The following SGCD variants were observed in gnomAD, a reference collection of about 807,000 sequenced individuals.
SGCD encodes delta-sarcoglycan.
Under a neutral mutation model 36.6 loss-of-function variants are expected in SGCD, and 18 were observed. The ratio of observed to expected loss-of-function variants is 0.49; its 90% CI spans 0.34 to 0.73. The LOEUF (loss-of-function observed/expected upper bound fraction) is 0.73, where lower values mean the gene tolerates loss of function less well. Among genes scored for constraint, SGCD ranks in the 30% least tolerant of loss-of-function variants. SGCD has a pLI of 0.01. For missense variants in SGCD, 387 were observed against 346.7 expected (o/e 1.12, Z -0.92); for synonymous variants, 133 against 130.6 (o/e 1.02, Z -0.12).
At chr5:156,323,639 T>C (rs1437023777), upstream of SGCD, among the ~76,000 whole-genome samples, 1 of 152,208 alleles carries the variant, frequency 6.6e-6, no homozygotes, top group Non-Finnish European at 1.5e-5. Flanking sequence ...CATATGATCT[T>C]CAGTATCATA....
At chr5:156,684,629 G>A (rs1753841099) in intron 7 of SGCD, among the ~76,000 whole-genome samples, 1 of 152,162 alleles carries the variant, frequency 6.6e-6, no homozygotes, top group African/African-American at 2.4e-5. Context: ...TACAATCACA[G>A]CAATTATTCA....
At chr5:156,257,222 C>A (rs1282338590) in intron 3 of SGCD, among the ~76,000 whole-genome samples, 1 of 152,118 alleles carries the variant, frequency 6.6e-6, no homozygotes, top group Admixed American at 6.5e-5. Context: ...CGCCTGTAAT[C>A]TCAACACTTT....
At chr5:155,874,702 C>T (rs1755729851) in intron 1 of SGCD, among the ~76,000 whole-genome samples, 1 of 151,932 alleles carries the variant, frequency 6.6e-6, no homozygotes, top group South Asian at 2.1e-4. Flanking sequence ...GTTTAAACCA[C>T]AAGGAGATAC....
At chr5:155,951,689 G>C (rs1284711181) in intron 1 of SGCD, among the ~76,000 whole-genome samples, 1 of 152,112 alleles carries the variant, frequency 6.6e-6, no homozygotes, top group African/African-American at 2.4e-5. Context: ...AGTGGAGATA[G>C]GCTATGTCAA....
chr5:155,759,217 A>G, the SGCD span, among the ~76,000 whole-genome samples: 1 of 152,110 alleles, frequency 6.6e-6, no homozygotes, highest in African/African-American at 2.4e-5. Flanking sequence ...TAATATTTAG[A>G]CATTAGCCTT....
chr5:156,306,498 CA>C (rs1169074943), intron 3 of SGCD, among the ~76,000 whole-genome samples: 1 of 152,158 alleles, frequency 6.6e-6, no homozygotes, highest in East Asian at 1.9e-4. Flanking sequence ...ATGTCTTTAT[CA>C]GCAGCATGAA....
intron 7 of SGCD, among the ~76,000 whole-genome samples, chr5:156,674,241 AT>A (rs1483821292): frequency 6.6e-6 from 1 of 152,224 alleles, no homozygotes; most frequent in Non-Finnish European, 1.5e-5. Flanking sequence ...TTCATGGCTA[AT>A]TGTAAAGCAA....
At chr5:155,850,877 G>A in the SGCD span, among the ~76,000 whole-genome samples, 1 of 152,338 alleles carries the variant, frequency 6.6e-6, no homozygotes, top group Admixed American at 6.5e-5. Flanking sequence ...AGCGACAGAA[G>A]TAGAATGGGC....
At chr5:156,351,160 A>C (rs1249770600) in intron 3 of SGCD, among the ~76,000 whole-genome samples, 2 of 152,182 alleles carry the variant, frequency 1.3e-5, no homozygotes, top group Non-Finnish European at 2.9e-5. Context: ...TTTGCTGTGT[A>C]GCTGAGGACC....
the SGCD span, among the ~76,000 whole-genome samples, chr5:155,844,421 TTGTGTGTG>T: frequency 1.5e-4 from 21 of 144,494 alleles, no homozygotes; most frequent in African/African-American, 2.1e-4. Context: ...TGCTAAGGCT[TTGTGTGTG>T]TGTGTGTGTG....
intron 7 of SGCD, among the ~76,000 whole-genome samples, chr5:156,654,558 C>G (rs1281424458): frequency 1.3e-5 from 2 of 152,016 alleles, no homozygotes; most frequent in African/African-American, 4.8e-5. Flanking sequence ...TAGCTTCTTC[C>G]AGACTCTCTG....
At chr5:156,574,756 G>A (rs906965173) in intron 4 of SGCD, among the ~76,000 whole-genome samples, 1 of 152,110 alleles carries the variant, frequency 6.6e-6, no homozygotes, top group Non-Finnish European at 1.5e-5. Context: ...CAGTCTCTAT[G>A]TAGTTGTTTT....
At chr5:156,463,979 G>A (rs576327647) in intron 3 of SGCD, among the ~76,000 whole-genome samples, 1 of 152,148 alleles carries the variant, frequency 6.6e-6, no homozygotes, top group African/African-American at 2.4e-5. Flanking sequence ...ACAAAACAAA[G>A]CTGCTCAGCT....
At chr5:155,838,137 A>G in the SGCD span, among the ~76,000 whole-genome samples, 1 of 152,216 alleles carries the variant, frequency 6.6e-6, no homozygotes, top group Non-Finnish European at 1.5e-5. Flanking sequence ...TTCAGCAGGT[A>G]TCTCTAAAAG....
intron 6 of SGCD, among the ~76,000 whole-genome samples, chr5:156,645,841 T>C (rs1318230604): frequency 3.3e-5 from 5 of 152,132 alleles, no homozygotes; most frequent in Non-Finnish European, 7.4e-5. Flanking sequence ...GCTTTAAAAA[T>C]GTTATTTTTG....
At chr5:156,650,896 A>G (rs1011864272) in intron 7 of SGCD, among the ~76,000 whole-genome samples, 1 of 152,146 alleles carries the variant, frequency 6.6e-6, no homozygotes, top group Non-Finnish European at 1.5e-5. Flanking sequence ...CAGTTCTTTG[A>G]GACATCTCCA....
intron 1 of SGCD, among the ~76,000 whole-genome samples, chr5:156,116,827 A>G (rs1761916883): frequency 6.6e-6 from 1 of 152,200 alleles, no homozygotes. Flanking sequence ...GTGCTGGCAC[A>G]TACAAGCTCA....
chr5:156,595,461 C>T (rs1760887944), intron 6 of SGCD, among the ~76,000 whole-genome samples: 1 of 152,208 alleles, frequency 6.6e-6, no homozygotes, highest in Non-Finnish European at 1.5e-5. Flanking sequence ...GCAGCCTGAA[C>T]TGACTAAGAC....
chr5:156,728,603 C>T (rs72803030), intron 7 of SGCD, among the ~76,000 whole-genome samples: 1 of 151,442 alleles, frequency 6.6e-6, no homozygotes. Flanking sequence ...AGTGCCCCCC[C>T]ACCACCACCC....
Sources: gnomAD v4.1 joint callset for allele counts (sites outside exome capture counted in the v4.1 genomes callset) on GRCh38, gnomAD v4.1.1 for gene constraint, MANE v1.5 for transcripts, NCBI Gene and HGNC (gene_info 2026-07-23, HGNC 2026-07-21) for gene names.